PPRC1: variants seen among roughly 807,000 people sequenced by gnomAD.
The protein encoded by PPRC1 is PPARG related coactivator 1.
A neutral mutation model predicts 132.5 loss-of-function variants in PPRC1; 23 were observed. The ratio of observed to expected loss-of-function variants is 0.17; its 90% CI spans 0.12 to 0.25. PPRC1 has a LOEUF of 0.25. PPRC1 is among the 10% of genes least tolerant of loss of function. The pLI is 1.00. For synonymous variants in PPRC1, 872 were observed against 833.5 expected, an observed-to-expected ratio of 1.05 and a Z score of -0.80; for missense variants, 2,006 against 2,089.1, an observed-to-expected ratio of 0.96 and a Z score of 0.78.
chr10:102,129,642 C>T (rs192894521), upstream of PPRC1, among the ~76,000 whole-genome samples: 28 of 152,188 alleles, frequency 1.8e-4, no homozygotes, highest in East Asian at 3.1e-3. Context: ...CTCGCCCCGT[C>T]GCCCAGGCTG....
chr10:102,148,443 C>T lies in PPRC1; in HGVS notation c.4472C>T (p.Ser1491Phe), dbSNP rs186559053. ...TCTTCGTCATCATCTTCCTCTTCGT[C>T]TTCCTCATCCTCATCATCCAGTTCT... ...SSSSSSSSSS[S>F]SSSSSSSSRS... Residue 1491 changes from serine (S) to phenylalanine (F), a missense_variant, in exon 10 of 14, where the codon TCT becomes TTT. Around this residue, in one of 2 missense-constraint regions of PPRC1, gnomAD observed 1,914 missense variants for 1,917.2 expected, o/e 1.00. Coordinates refer to ENST00000278070, the MANE Select transcript of PPRC1 (RefSeq NM_015062.5). This position sits in a 1 kb window ranked among gnomAD's most constrained non-coding sequence, Gnocchi z 4.2. 4.3e-6 allele frequency: 7 copies of T among 1,611,430 alleles called. No homozygotes were observed. In the Admixed American group the frequency reaches 1.0e-4, roughly 23 times the overall value.
Position 102,140,288 on chromosome 10 carries a change from C to T in PPRC1, c.1780C>T (p.Pro594Ser). Residue 594 changes from proline (P) to serine (S), a missense_variant, in exon 5 of 14, where the codon CCC becomes TCC. Pro to Ser is a moderately conservative substitution (Grantham distance 74). Around this residue, in one of 2 missense-constraint regions of PPRC1, gnomAD observed 1,914 missense variants for 1,917.2 expected, o/e 1.00. Coordinates refer to ENST00000278070, the MANE Select transcript of PPRC1 (RefSeq NM_015062.5). ...GCCAGTTGACTCTGTTGAAGCTGAT[C>T]CCACTGCAGTTGGCCCTGTTCTAGC... ...PMPVDSVEAD[P>S]TAVGPVLAGP... The T allele has an allele frequency of 1.2e-6, 2 of 1,614,246 alleles. No homozygotes were observed. Among genetic ancestry groups the T allele is most frequent in the Non-Finnish European group, 1.7e-6 (2 of 1,180,038 alleles).
Position 102,141,156 on chromosome 10 carries a change from C to T in PPRC1, c.2648C>T (p.Ala883Val), listed in dbSNP as rs1177033224. The T allele has an allele frequency of 6.2e-7, 1 of 1,613,918 alleles. No individual in the cohort carries two copies. Among genetic ancestry groups the T allele is most frequent in the African/African-American group, 1.3e-5 (1 of 74,928 alleles). ...ATGTCTGCTGCCCTGCCTTTCCCTG[C>T]AGGTGGGCTTGGCATGCCCCCCAGT... ...PSMSAALPFP[A>V]GGLGMPPSLP... Residue 883 changes from alanine (A) to valine (V), a missense_variant, in exon 5 of 14, where the codon GCA becomes GTA. Ala to Val is a moderately conservative substitution (Grantham distance 64). Around this residue, in one of 2 missense-constraint regions of PPRC1, gnomAD observed 1,914 missense variants for 1,917.2 expected, o/e 1.00. Transcript: ENST00000278070.
chr10:102,147,013 G>A lies in PPRC1; in HGVS notation c.4021G>A (p.Ala1341Thr), dbSNP rs371673070. 13 of 1,613,996 alleles carry A rather than the reference G, an allele frequency of 8.1e-6. No homozygotes were observed. Among genetic ancestry groups the A allele is most frequent in the Non-Finnish European group, 9.3e-6 (11 of 1,180,006 alleles). ...ACCTGTCTTGTCCTTGGGCCCAGCTGCCCCTCCGCCCCCATGCATAGCTGC... is the reference window on the plus strand; with the variant it reads ...ACCTGTCTTGTCCTTGGGCCCAGCTACCCCTCCGCCCCCATGCATAGCTGC... ...IKPVLSLGPA[A>T]PPPPCIAASR... The change falls in exon 9 of 14, where the codon GCC becomes ACC. Residue 1341 changes from alanine (A) to threonine (T), a missense_variant. Ala to Thr is a moderately conservative substitution (Grantham distance 58, BLOSUM62 0). Around this residue, in one of 2 missense-constraint regions of PPRC1, gnomAD observed 1,914 missense variants for 1,917.2 expected, o/e 1.00. Coordinates refer to ENST00000278070, the MANE Select transcript of PPRC1 (RefSeq NM_015062.5).
chr10:102,132,834 C>T (rs1590308982), upstream of PPRC1, among the ~76,000 whole-genome samples: 3 of 152,234 alleles, frequency 2.0e-5, no homozygotes, highest in East Asian at 5.8e-4. Context: ...CAAAACTAAG[C>T]CCTACAGGAT....
the PPRC1 span, among the ~76,000 whole-genome samples, chr10:102,122,493 A>G: frequency 1.4e-5 from 2 of 147,386 alleles, no homozygotes; most frequent in African/African-American, 5.0e-5. Flanking sequence ...AGATTATCCA[A>G]TTCCAAGAGA....
chr10:102,149,082 GAGA>G, intron 12 of PPRC1, 93 bp from the exon 13 acceptor site: 1 of 1,525,700 alleles, frequency 6.6e-7, no homozygotes, highest in Non-Finnish European at 8.8e-7. Context: ...CACTGGGAAT[GAGA>G]AGAACCACCT....
rs149249324 is a variant in PPRC1, at chr10:102,140,343, T to C, written c.1835T>C (p.Val612Ala). ...AGPVPVDPGL[V>A]DLASTSSELV... ...CCTGTACCTGTTGACCCTGGGTTGG[T>C]TGACCTTGCTTCAACCAGCTCAGAA... is the stretch of plus-strand genomic sequence containing the variant. Residue 612 changes from valine (V) to alanine (A), a missense_variant, in exon 5 of 14, where the codon GTT (valine) becomes GCT (alanine). Coordinates refer to ENST00000278070, the MANE Select transcript of PPRC1 (RefSeq NM_015062.5). 45 of 1,614,176 alleles carry C rather than the reference T, an allele frequency of 2.8e-5. No homozygotes were observed. In the African/African-American group the frequency reaches 4.1e-4, roughly 15 times the overall value.
At chr10:102,122,511 G>T in the PPRC1 span, among the ~76,000 whole-genome samples, 5 of 150,912 alleles carry the variant, frequency 3.3e-5, no homozygotes, top group African/African-American at 1.2e-4. Flanking sequence ...AGAGGAGGGG[G>T]CTGGATTGGC....
At chr10:102,123,404 G>T in the PPRC1 span, among the ~76,000 whole-genome samples, 698 of 151,234 alleles carry the variant, frequency 4.6e-3, 9 homozygotes, top group African/African-American at 0.016. Context: ...TGGAGGGGGG[G>T]TCTTTAACTT....
the PPRC1 span, among the ~76,000 whole-genome samples, chr10:102,126,465 T>TC: frequency 6.6e-6 from 1 of 151,602 alleles, no homozygotes; most frequent in East Asian, 1.9e-4. Flanking sequence ...TAACTTTTTT[T>TC]TTTTTTTTTT....
At chr10:102,137,823 C>T in intron 1 of PPRC1, 27 bp from the exon 2 acceptor site, 1 of 1,605,674 alleles carries the variant, frequency 6.2e-7, no homozygotes, top group Non-Finnish European at 8.5e-7. Flanking sequence ...AGAGCTCATA[C>T]CCTTCTCACC....
chr10:102,140,558 G>A lies in PPRC1; in HGVS notation c.2050G>A (p.Val684Met). The change falls in exon 5 of 14, where the codon GTG becomes ATG. Residue 684 changes from valine to methionine, a missense_variant. Val to Met is a conservative substitution (Grantham distance 21). Coordinates refer to ENST00000278070, the MANE Select transcript of PPRC1 (RefSeq NM_015062.5). ...VPNDLTPVDP[V>M]LVKSRPTDPR... ...TAATGACCTGACTCCAGTTGACCCA[G>A]TGCTAGTTAAGTCCAGACCAACTGA... is the stretch of plus-strand genomic sequence containing the variant. 3 of 1,614,076 alleles carry A rather than the reference G, an allele frequency of 1.9e-6. No individual in the cohort carries two copies. Among genetic ancestry groups the A allele is most frequent in the Non-Finnish European group, 2.5e-6 (3 of 1,180,022 alleles).
In PPRC1 at chr10:102,146,938, G is replaced by C. The variant is rs1341865213; in HGVS notation, c.3946G>C (p.Glu1316Gln). ...PKKMPALVIPEVGSRWNVKRH... is the reference protein window; with the variant it reads ...PKKMPALVIPQVGSRWNVKRH... ...AAAGATGCCTGCCCTAGTCATTCCA[G>C]AGGTGGGCTCCCGATGGAATGTCAA... is the stretch of plus-strand genomic sequence containing the variant. Residue 1316 changes from glutamate (E) to glutamine (Q), a missense_variant, in exon 9 of 14, where the codon GAG (glutamate) becomes CAG (glutamine). Around this residue, in one of 2 missense-constraint regions of PPRC1, gnomAD observed 1,914 missense variants for 1,917.2 expected, o/e 1.00. Transcript: ENST00000278070. 3 of 1,613,998 alleles carry C rather than the reference G, an allele frequency of 1.9e-6. No individual in the cohort carries two copies. The highest frequency in any genetic ancestry group is 2.5e-6 in the Non-Finnish European group (3 of 1,180,020).
At position 102,148,639 on chromosome 10, in the gene PPRC1, A is replaced by T; in HGVS notation, c.4562A>T (p.Tyr1521Phe). 9.9e-6 allele frequency: 16 copies of T among 1,614,132 alleles called. No homozygotes were observed. The highest frequency in any genetic ancestry group is 1.4e-5 in the Non-Finnish European group (16 of 1,180,030). The change falls in exon 11 of 14, where the codon TAT becomes TTT. Residue 1521 changes from tyrosine (Y) to phenylalanine (F), a missense_variant. By Grantham distance (22) the Tyr-to-Phe change is conservative. Around this residue, in one of 2 missense-constraint regions of PPRC1, gnomAD observed 1,914 missense variants for 1,917.2 expected, o/e 1.00. Transcript: ENST00000278070. This position sits in a 1 kb window ranked among gnomAD's most constrained non-coding sequence, Gnocchi z 4.2. ...RSDRRRRYSS[Y>F]RSHDHYQRQR... ...CCCTCTTTTGTCAGGTACAGCTCTTATCGTTCACATGACCATTACCAAAGG... is the reference window on the plus strand; with the variant it reads ...CCCTCTTTTGTCAGGTACAGCTCTTTTCGTTCACATGACCATTACCAAAGG...
At chr10:102,132,544 G>A (rs1369841388), upstream of PPRC1, among the ~76,000 whole-genome samples, 1 of 152,234 alleles carries the variant, frequency 6.6e-6, no homozygotes, top group African/African-American at 2.4e-5. Context: ...CAGAGAGGGC[G>A]GAGAACGCGA....
At chr10:102,144,601 T>G (rs922445425) in intron 7 of PPRC1, 1 of 506,000 alleles carries the variant, frequency 2.0e-6, no homozygotes, top group African/African-American at 1.9e-5. Flanking sequence ...TTTCTTTCAT[T>G]TAATAACACT....
chr10:102,138,020 T>C lies in PPRC1; in HGVS notation c.324T>C (p.Asp108=). 3.7e-6 allele frequency: 6 copies of C among 1,613,618 alleles called. No homozygotes were observed. The highest frequency in any genetic ancestry group is 5.1e-6 in the Non-Finnish European group (6 of 1,179,762). Residue 108 remains aspartate, a synonymous_variant, in exon 2 of 14, where the codon GAT becomes GAC. Coordinates refer to ENST00000278070, the MANE Select transcript of PPRC1 (RefSeq NM_015062.5). ...MDASLISLIE[D]FGSLGESRLS... is the part of the protein sequence containing the mutation. ...CCTCCCTTATCTCCCTCATTGAGGA[T>C]TTTGGGAGCCTTGGAGAGGTGAGCT... is the stretch of plus-strand genomic sequence containing the variant.
Position 102,150,319 on chromosome 10 carries a change from A to G in PPRC1, c.*290A>G. On this transcript the variant is annotated 3_prime_UTR_variant, in exon 14 of 14. Coordinates refer to ENST00000278070, the MANE Select transcript of PPRC1 (RefSeq NM_015062.5). ...CTATGCAGACTAATAAACATCAACT[A>G]GAGAGAACTCCCAACTGCTGTTGTG... 3.8e-6 allele frequency: 1 copy of G among 263,302 alleles called. No homozygotes were observed. Among genetic ancestry groups the G allele is most frequent in the Non-Finnish European group, 7.5e-6 (1 of 134,060 alleles). 16.3% of individuals were successfully genotyped at this position (263,302 alleles called of 1,614,324 possible).
Sources: gnomAD v4.1 joint callset for allele counts (sites outside exome capture counted in the v4.1 genomes callset) on GRCh38, gnomAD v4.1.1 for gene constraint, gnomAD v4.1.1 regional missense constraint, Gnocchi (gnomAD v3.1) non-coding constraint, MANE v1.5 for transcripts, NCBI Gene and HGNC (gene_info 2026-07-23, HGNC 2026-07-21) for gene names.